ADD3: variants seen among roughly 807,000 people sequenced by gnomAD.
The protein encoded by ADD3 is adducin 3, also known as gamma-adducin.
Under a neutral mutation model 80.2 loss-of-function variants are expected in ADD3, and 25 were observed. The ratio of observed to expected loss-of-function variants is 0.31; its 90% CI spans 0.23 to 0.44. The LOEUF (loss-of-function observed/expected upper bound fraction) is 0.44, where lower values mean the gene tolerates loss of function less well. Ranked by LOEUF, ADD3 falls within the 20% of genes least tolerant of loss-of-function variation. The pLI, the probability that ADD3 is intolerant of heterozygous loss-of-function variation, is 1.00. For missense variants in ADD3, 829 were observed against 847.5 expected (o/e 0.98, Z 0.27); for synonymous variants, 284 against 289.6 (o/e 0.98, Z 0.20).
intron 1 of ADD3, among the ~76,000 whole-genome samples, chr10:110,054,646 T>C (rs1028932946): frequency 6.7e-6 from 1 of 148,918 alleles, no homozygotes; most frequent in Admixed American, 6.7e-5. Context: ...GGAGTCTCGC[T>C]CTGTCCCCCA....
chr10:110,013,357 C>G (rs1045094072), intron 1 of ADD3, among the ~76,000 whole-genome samples: 1 of 152,214 alleles, frequency 6.6e-6, no homozygotes, highest in African/African-American at 2.4e-5. Context: ...CCCCGCTCGG[C>G]TACCCAAAGT....
At chr10:110,014,822 CAGCCTTCTTTTACAGTTTTTAT>C in intron 1 of ADD3, among the ~76,000 whole-genome samples, 1 of 151,988 alleles carries the variant, frequency 6.6e-6, no homozygotes, top group Non-Finnish European at 1.5e-5. Flanking sequence ...CCACCGCGTC[CAGCCTTCTTTTACAGTTTTTAT>C]TGTCAGAGTT....
rs147993113 is a variant in ADD3 at position 110,011,948 on chromosome 10, G to A, written c.-30+3649G>A. On this transcript the variant is annotated intron_variant, in intron 1 of 14. Transcript: ENST00000356080. ...TTACTGTAATTTTTTACTGTAATGG[G>A]TTGTATATATCAAGAATCCTCTAAA... Among the ~76,000 whole-genome samples, 142 of 152,300 alleles carry A rather than the reference G, an allele frequency of 9.3e-4. 1 individual carries two copies. The Middle Eastern group carries it at 0.01, about 11-fold the overall frequency.
intron 1 of ADD3, among the ~76,000 whole-genome samples, chr10:110,032,039 A>C (rs1338965940): frequency 1.3e-5 from 2 of 152,180 alleles, no homozygotes; most frequent in Non-Finnish European, 2.9e-5. Flanking sequence ...GTCACAAAAA[A>C]TGTTTCAGAT....
At chr10:110,049,417 A>G (rs1857247034) in intron 1 of ADD3, among the ~76,000 whole-genome samples, 2 of 152,166 alleles carry the variant, frequency 1.3e-5, no homozygotes, top group African/African-American at 2.4e-5. Context: ...GACAGCTTGC[A>G]CCGTGTGCCT....
At chr10:110,009,103 C>T (rs1230676313) in intron 1 of ADD3, among the ~76,000 whole-genome samples, 1 of 152,054 alleles carries the variant, frequency 6.6e-6, no homozygotes, top group Non-Finnish European at 1.5e-5. Flanking sequence ...CAAGTAGGTG[C>T]CGGTTGAAAA....
chr10:110,064,716 C>T (rs1468768396), intron 1 of ADD3, among the ~76,000 whole-genome samples: 2 of 152,086 alleles, frequency 1.3e-5, no homozygotes, highest in Non-Finnish European at 2.9e-5. Context: ...TTTTTCTGAA[C>T]AATACAAGGA....
intron 1 of ADD3, among the ~76,000 whole-genome samples, chr10:110,044,615 A>G (rs1478311636): frequency 6.6e-6 from 1 of 152,272 alleles, no homozygotes; most frequent in East Asian, 1.9e-4. Flanking sequence ...TTTCAGATAC[A>G]GTTAGTGATG....
At chr10:110,128,215 G>A (rs1852440507) in intron 12 of ADD3, among the ~76,000 whole-genome samples, 1 of 151,598 alleles carries the variant, frequency 6.6e-6, no homozygotes, top group East Asian at 1.9e-4. Context: ...TTTTAAAAGT[G>A]TTTCTTCAAG....
upstream of ADD3, among the ~76,000 whole-genome samples, chr10:110,002,496 G>A (rs1012995046): frequency 6.6e-6 from 1 of 151,870 alleles, no homozygotes; most frequent in Non-Finnish European, 1.5e-5. Flanking sequence ...GGATGGTCTC[G>A]ATCTCCTGAC....
chr10:110,007,763 C>CGCTCGGGGCGGGGCCAGAGAGA (rs1851781728), upstream of ADD3, among the ~76,000 whole-genome samples: 2 of 151,366 alleles, frequency 1.3e-5, no homozygotes, highest in South Asian at 4.2e-4. Context: ...TCCCGAGGGG[C>CGCTCGGGGCGGGGCCAGAGAGA]GCTCGGGGCG....
chr10:110,031,917 T>G lies in ADD3; in HGVS notation c.-30+23618T>G, dbSNP rs566079988. Among the ~76,000 whole-genome samples the G allele has an allele frequency of 9.2e-5, 14 of 152,206 alleles. No homozygotes were observed. The East Asian group carries it at 1.9e-3, about 21-fold the overall frequency. ...GTATTACCTCAATACTTTTTTTTTT[T>G]TGTGATAACATTTAAAGTTTCCCCT... On this transcript the variant is annotated intron_variant, in intron 1 of 14. Coordinates refer to ENST00000356080, the MANE Select transcript of ADD3 (RefSeq NM_016824.5).
chr10:110,118,778 T>C, intron 6 of ADD3, 42 bp downstream of exon 6: 8 of 1,588,928 alleles, frequency 5.0e-6, no homozygotes, highest in Non-Finnish European at 6.9e-6. Flanking sequence ...CGCTGGAAGA[T>C]GTATTATTTT....
rs766867209 is a variant in ADD3, at chr10:110,100,786, C to T, written c.133C>T (p.Leu45=). The T allele has an allele frequency of 1.2e-6, 2 of 1,613,486 alleles. No individual in the cohort carries two copies. The highest frequency in any genetic ancestry group is 1.7e-6 in the Non-Finnish European group (2 of 1,179,754). ...YIRERNMSPD[L]RQDFNMMEQR... is the part of the protein sequence containing the mutation. ...TAGGGAGAGGAACATGTCTCCTGATCTACGACAAGACTTCAACATGATGGA... is the reference window on the plus strand; with the variant it reads ...TAGGGAGAGGAACATGTCTCCTGATTTACGACAAGACTTCAACATGATGGA... The change falls in exon 2 of 15, where the codon CTA becomes TTA. Residue 45 remains leucine, a synonymous_variant. Transcript: ENST00000356080.
At chr10:110,123,359 C>T (rs1264015591) in intron 9 of ADD3, among the ~76,000 whole-genome samples, 3 of 152,170 alleles carry the variant, frequency 2.0e-5, no homozygotes, top group Non-Finnish European at 4.4e-5. Context: ...TCCCTTTCTC[C>T]CTACATTCTA....
intron 12 of ADD3, among the ~76,000 whole-genome samples, chr10:110,129,121 C>T (rs558428486): frequency 8.4e-4 from 127 of 151,458 alleles, no homozygotes; most frequent in Admixed American, 1.9e-3. Flanking sequence ...TTTGTGTCCC[C>T]TAGTTAGTTT....
At chr10:110,116,612 A>G (rs1365805181) in intron 4 of ADD3, among the ~76,000 whole-genome samples, 1 of 152,100 alleles carries the variant, frequency 6.6e-6, no homozygotes, top group Non-Finnish European at 1.5e-5. Context: ...CTTACTATCT[A>G]TGTTGTTCCA....
At position 110,132,181 on chromosome 10, in the gene ADD3, C is replaced by A. The variant is rs558750435; in HGVS notation, c.1733-124C>A. The A allele has an allele frequency of 2.5e-4, 157 of 635,150 alleles. 1 individual carries two copies. In the African/African-American group the frequency reaches 2.7e-3, roughly 11 times the overall value. The allele number at this position is 635,150 out of a possible 1,614,324, so 39.3% of individuals were successfully genotyped here. A position where few individuals can be genotyped will look rare whatever the true frequency, so the allele number is the denominator to read the frequency against. The stretch of plus-strand genomic sequence containing the variant: ...ATGGGATAACTGTTAGCATGCTCAG[C>A]TCACTGCTGAAGAATTTATCATCTC... On this transcript the variant is annotated intron_variant, in intron 13 of 14. Coordinates refer to ENST00000356080, the MANE Select transcript of ADD3 (RefSeq NM_016824.5).
chr10:110,056,208 A>G (rs946719084), intron 1 of ADD3, among the ~76,000 whole-genome samples: 6 of 152,182 alleles, frequency 3.9e-5, no homozygotes, highest in East Asian at 1.9e-4. Context: ...ATAATTCACA[A>G]TAGGTTCTGA....
Sources: allele counts gnomAD v4.1 joint callset (sites outside exome capture counted in the v4.1 genomes callset), GRCh38; gene constraint gnomAD v4.1.1; transcripts MANE v1.5; gene names NCBI Gene and HGNC (gene_info 2026-07-23, HGNC 2026-07-21).